The following SLC12A2 variants were observed in gnomAD, a reference collection of about 807,000 sequenced individuals.
SLC12A2 encodes the protein Na-K-2Cl cotransporter 1.
In SLC12A2, 67 loss-of-function variants were observed where a neutral mutation model predicts 136.3. That is an observed-to-expected ratio of 0.49 (90% CI 0.40 to 0.60). The LOEUF (loss-of-function observed/expected upper bound fraction) is 0.60. Among genes scored for constraint, SLC12A2 ranks in the 20% least tolerant of loss-of-function variants. SLC12A2 has a pLI of 0.00. For synonymous variants in SLC12A2, 619 were observed against 562.9 expected (o/e 1.10, Z -1.41); for missense variants, 1,322 against 1,534.7 (o/e 0.86, Z 2.32).
intron 24 of SLC12A2, among the ~76,000 whole-genome samples, chr5:128,183,447 T>C (rs143661629): frequency 1.3e-5 from 2 of 152,142 alleles, no homozygotes; most frequent in East Asian, 1.9e-4. Context: ...GAAGCTGATA[T>C]AAAGAATTCC....
At chr5:128,165,510 C>T (rs1581128350) in intron 17 of SLC12A2, among the ~76,000 whole-genome samples, 1 of 152,138 alleles carries the variant, frequency 6.6e-6, no homozygotes, top group Non-Finnish European at 1.5e-5. Flanking sequence ...AACTCATTTC[C>T]GATCACTTAG....
intron 1 of SLC12A2, among the ~76,000 whole-genome samples, chr5:128,105,834 T>A (rs548533775): frequency 6.6e-6 from 1 of 152,198 alleles, no homozygotes; most frequent in Admixed American, 6.5e-5. Flanking sequence ...TCTGTTTTTC[T>A]TTTCATCTGT....
chr5:128,092,558 A>G (rs1405089393), intron 1 of SLC12A2, among the ~76,000 whole-genome samples: 1 of 152,224 alleles, frequency 6.6e-6, no homozygotes, highest in African/African-American at 2.4e-5. Flanking sequence ...GGCAAAATTA[A>G]TTTATAATAT....
chr5:128,174,679 C>A lies in SLC12A2; in HGVS notation c.2929+13C>A. 6.4e-7 allele frequency: 1 copy of A among 1,568,742 alleles called. No homozygotes were observed. Among genetic ancestry groups the A allele is most frequent in the Non-Finnish European group, 8.6e-7 (1 of 1,156,676 alleles). ...ATTACACACAAAGGTAATTTTCATT[C>A]AAACAATAAGTCTTATTAATAGTAA... On this transcript the variant is annotated intron_variant, in intron 20 of 26. Coordinates refer to ENST00000262461, the MANE Select transcript of SLC12A2 (RefSeq NM_001046.3).
At chr5:128,111,378 C>T (rs1761138306) in intron 1 of SLC12A2, among the ~76,000 whole-genome samples, 1 of 152,064 alleles carries the variant, frequency 6.6e-6, no homozygotes, top group African/African-American at 2.4e-5. Context: ...ATTTGGCTGA[C>T]AGATGTTGGT....
At chr5:128,113,808 G>T (rs1252792398) in intron 2 of SLC12A2, among the ~76,000 whole-genome samples, 2 of 152,132 alleles carry the variant, frequency 1.3e-5, no homozygotes, top group Non-Finnish European at 2.9e-5. Context: ...ACTTAAATCT[G>T]CTGAAGAAAT....
chr5:128,126,727 G>T (rs1173617440), intron 4 of SLC12A2, among the ~76,000 whole-genome samples: 1 of 151,702 alleles, frequency 6.6e-6, no homozygotes, highest in Non-Finnish European at 1.5e-5. Context: ...GAAGTGTTGA[G>T]AATAAACATC....
chr5:128,094,263 T>TA (rs2126643931), intron 1 of SLC12A2, among the ~76,000 whole-genome samples: 1 of 151,158 alleles, frequency 6.6e-6, no homozygotes, highest in East Asian at 1.9e-4. Flanking sequence ...CCTCAATCGA[T>TA]ACATATTGAA....
intron 13 of SLC12A2, 37 bp from the exon 14 acceptor site, chr5:128,151,204 G>C (rs780541858): frequency 1.9e-6 from 3 of 1,570,782 alleles, no homozygotes; most frequent in African/African-American, 2.7e-5. Flanking sequence ...AAGCAGATGA[G>C]GTATTTGTGT....
At chr5:128,128,012 A>T (rs989199285) in intron 4 of SLC12A2, among the ~76,000 whole-genome samples, 4 of 152,092 alleles carry the variant, frequency 2.6e-5, no homozygotes, top group African/African-American at 9.7e-5. Flanking sequence ...TGTTAGGTAT[A>T]TCTCACTAAT....
rs33967323 is a variant in SLC12A2, at chr5:128,131,537, C to CAA, written c.1188+347_1188+348dup. On this transcript the variant is annotated intron_variant, in intron 5 of 26. Coordinates refer to ENST00000262461, the MANE Select transcript of SLC12A2 (RefSeq NM_001046.3). ...TGAAACCCCATCTCTACTACAAATA[C>CAA]AAAAAAAAAAAAAAAAATCAGCTGG... Among the ~76,000 whole-genome samples the CAA allele has an allele frequency of 4.6e-4, 62 of 136,024 alleles. No individual in the cohort carries two copies. In the East Asian group the frequency reaches 0.01, roughly 22 times the overall value. 89.2% of individuals were successfully genotyped at this position (136,024 alleles called of 152,430 possible).
chr5:128,094,774 T>C (rs896380734), intron 1 of SLC12A2, among the ~76,000 whole-genome samples: 8 of 152,140 alleles, frequency 5.3e-5, no homozygotes, highest in Non-Finnish European at 7.4e-5. Context: ...TATAAATTTT[T>C]AAATGTAATA....
At chr5:128,169,900 G>C (rs760214775) in intron 18 of SLC12A2, 1 of 152,162 alleles carries the variant, frequency 6.6e-6, no homozygotes, top group Non-Finnish European at 1.5e-5. Context: ...TGAAAGTTGA[G>C]TATTAGTCTA....
At chr5:128,171,082 CGA>C in intron 18 of SLC12A2, 1 of 135,454 alleles carries the variant, frequency 7.4e-6, no homozygotes, top group South Asian at 2.3e-4. Flanking sequence ...GGCAACAGAG[CGA>C]GACTCTGTCT....
intron 2 of SLC12A2, 92 bp from the exon 3 acceptor site, chr5:128,114,120 A>AAC: frequency 1.1e-6 from 1 of 870,624 alleles, no homozygotes; most frequent in Non-Finnish European, 1.9e-6. Context: ...GTAGTTTCAA[A>AAC]TGCATGTTCT....
chr5:128,180,843 T>C (rs751710108), intron 22 of SLC12A2, 40 bp from the exon 23 acceptor site: 1 of 1,167,548 alleles, frequency 8.6e-7, no homozygotes, highest in East Asian at 2.3e-5. Context: ...ATTAAGAAAT[T>C]TGCATTTAGT....
At chr5:128,085,661 A>ACAAGTG (rs1760075776) in intron 1 of SLC12A2, among the ~76,000 whole-genome samples, 1 of 152,228 alleles carries the variant, frequency 6.6e-6, no homozygotes, top group Admixed American at 6.5e-5. Flanking sequence ...GACTACATTG[A>ACAAGTG]TGGAATTTGT....
intron 5 of SLC12A2, among the ~76,000 whole-genome samples, 176 bp downstream of exon 5, chr5:128,131,382 G>A (rs1014401024): frequency 1.3e-5 from 2 of 152,178 alleles, no homozygotes; most frequent in Non-Finnish European, 2.9e-5. Context: ...GTCAGCAGTG[G>A]GCCGGGCGCG....
chr5:128,147,211 G>T (rs1762556652), intron 10 of SLC12A2, among the ~76,000 whole-genome samples: 1 of 150,864 alleles, frequency 6.6e-6, no homozygotes, highest in Non-Finnish European at 1.5e-5. Flanking sequence ...AAGTTTCTAA[G>T]CTGCGACAGT....
Sources: allele counts gnomAD v4.1 joint callset (sites outside exome capture counted in the v4.1 genomes callset), GRCh38; gene constraint gnomAD v4.1.1; transcripts MANE v1.5; gene names NCBI Gene and HGNC (gene_info 2026-07-23, HGNC 2026-07-21).